NTNG2: variants seen among roughly 807,000 people sequenced by gnomAD.
The protein encoded by NTNG2 is netrin G2.
NTNG2 carries 15 observed loss-of-function variants against 47.6 expected under a neutral mutation model. The observed-to-expected ratio is 0.32, with a 90% CI of 0.21 to 0.49. The LOEUF is 0.49. Ranked by LOEUF, NTNG2 falls within the 20% of genes least tolerant of loss-of-function variation. NTNG2 has a pLI of 0.99. For synonymous variants in NTNG2, 307 were observed against 324.6 expected, an observed-to-expected ratio of 0.95 and a Z score of 0.58; for missense variants, 578 against 764.6, an observed-to-expected ratio of 0.76 and a Z score of 2.88.
Position 132,238,980 on chromosome 9 carries a change from T to A in NTNG2, c.1055-124T>A, listed in dbSNP as rs544999375. ...GTGGGAGGCCTAGGGCACCTTCCGGTACCTTTTCCAAAGATGCCTTCCTCC... is the reference window on the plus strand; with the variant it reads ...GTGGGAGGCCTAGGGCACCTTCCGGAACCTTTTCCAAAGATGCCTTCCTCC... On this transcript the variant is annotated intron_variant, in intron 5 of 7. Transcript: ENST00000393229. The A allele has an allele frequency of 3.5e-3, 3,483 of 1,001,742 alleles. 8 individuals are homozygous for A. The highest frequency in any genetic ancestry group is 4.4e-3 in the Non-Finnish European group (2,786 of 640,266). The allele number at this position is 1,001,742 out of a possible 1,614,324, so 62.1% of individuals were successfully genotyped here.
chr9:132,203,313 C>T (rs1838923375), intron 3 of NTNG2, among the ~76,000 whole-genome samples: 1 of 151,908 alleles, frequency 6.6e-6, no homozygotes, highest in Admixed American at 6.6e-5. Context: ...GCACTCCAGC[C>T]TGGGTGACAG....
chr9:132,217,663 C>T (rs1406028753), intron 3 of NTNG2, among the ~76,000 whole-genome samples: 4 of 152,310 alleles, frequency 2.6e-5, no homozygotes, highest in African/African-American at 9.6e-5. Flanking sequence ...ATGTCCTAGG[C>T]ACCTGTTTGT....
chr9:132,164,882 C>T (rs1292321754), intron 1 of NTNG2, among the ~76,000 whole-genome samples: 1 of 152,204 alleles, frequency 6.6e-6, no homozygotes, highest in Admixed American at 6.5e-5. Context: ...GCCTGAGGTG[C>T]TCAGGGCGCT....
intron 7 of NTNG2, 102 bp from the exon 8 acceptor site, chr9:132,241,774 A>T: frequency 1.2e-6 from 1 of 852,120 alleles, no homozygotes; most frequent in Non-Finnish European, 1.7e-6. Flanking sequence ...TCCCCGGCCC[A>T]GACGGCGCCC....
At chr9:132,205,902 G>GTGATAAATA (rs1839135630) in intron 3 of NTNG2, among the ~76,000 whole-genome samples, 1 of 152,058 alleles carries the variant, frequency 6.6e-6, no homozygotes, top group Non-Finnish European at 1.5e-5. Context: ...ACATGGTAAG[G>GTGATAAATA]TGATAAATAT....
intron 4 of NTNG2, among the ~76,000 whole-genome samples, chr9:132,229,239 C>A (rs1465634301): frequency 6.6e-6 from 1 of 152,136 alleles, no homozygotes; most frequent in Non-Finnish European, 1.5e-5. Context: ...CAGCAGGAAA[C>A]AGCCCAAAGA....
chr9:132,203,968 G>C (rs1838976916), intron 3 of NTNG2, among the ~76,000 whole-genome samples: 1 of 152,212 alleles, frequency 6.6e-6, no homozygotes, highest in African/African-American at 2.4e-5. Context: ...GGTGTTTGTG[G>C]GAGATGATGA....
At chr9:132,198,725 G>C (rs1426171847) in intron 3 of NTNG2, 116 bp downstream of exon 3, 7 of 1,118,398 alleles carry the variant, frequency 6.3e-6, no homozygotes, top group Non-Finnish European at 7.6e-6. Context: ...CGGGTTCTTG[G>C]GATGTTACCT....
At chr9:132,168,527 C>T (rs1216321191) in intron 2 of NTNG2, among the ~76,000 whole-genome samples, 1 of 152,136 alleles carries the variant, frequency 6.6e-6, no homozygotes, top group African/African-American at 2.4e-5. Flanking sequence ...TGGGTGGTGG[C>T]TGGGCCAGGG....
chr9:132,241,800 C>A (rs1255862469), intron 7 of NTNG2, 76 bp from the exon 8 acceptor site: 13 of 1,172,854 alleles, frequency 1.1e-5, no homozygotes, highest in African/African-American at 1.6e-5. Context: ...ATCTCGCACA[C>A]CCTGCTTCGC....
intron 5 of NTNG2, among the ~76,000 whole-genome samples, chr9:132,234,042 T>C (rs1292973467): frequency 6.6e-6 from 1 of 151,164 alleles, no homozygotes; most frequent in African/African-American, 2.4e-5. Context: ...TTTTTTTTTT[T>C]TTGAGATGGA....
In NTNG2 at chr9:132,167,534, T is replaced by A. The variant is rs149159019; in HGVS notation, c.213+490T>A. Reference sequence around the variant, plus strand: ...GCATGCCAAGCACTGAGCTGGCCCTTTGCATGGGGAGGTTTGACGGAGGCT... The same window carrying A: ...GCATGCCAAGCACTGAGCTGGCCCTATGCATGGGGAGGTTTGACGGAGGCT... On this transcript the variant is annotated intron_variant, in intron 2 of 7. Coordinates refer to ENST00000393229, the MANE Select transcript of NTNG2 (RefSeq NM_032536.4). 2.2e-3 allele frequency among the ~76,000 whole-genome samples: 335 copies of A among 152,292 alleles called. 3 individuals carry two copies. The highest frequency in any genetic ancestry group is 7.7e-3 in the African/African-American group (318 of 41,558).
chr9:132,198,068 T>A lies in NTNG2; in HGVS notation c.316T>A (p.Tyr106Asn). The change falls in exon 3 of 8, where the codon TAC (tyrosine) becomes AAC (asparagine). Residue 106 changes from tyrosine to asparagine, a missense_variant. Transcript: ENST00000393229. ...FDKEEEGLAT[Y>N]WQSITWSRYP... is the part of the protein sequence containing the mutation. Reference sequence around the variant, plus strand: ...CAAGGAGGAGGAGGGCCTGGCCACCTACTGGCAGAGCATCACCTGGAGCCG... The same window carrying A: ...CAAGGAGGAGGAGGGCCTGGCCACCAACTGGCAGAGCATCACCTGGAGCCG... 2 of 1,613,700 alleles carry A rather than the reference T, an allele frequency of 1.2e-6. No homozygotes were observed. Among genetic ancestry groups the A allele is most frequent in the Non-Finnish European group, 1.7e-6 (2 of 1,179,974 alleles).
rs748877108 is a variant in NTNG2, at chr9:132,198,583, C to T, written c.831C>T (p.Ala277=). 3 of 1,609,194 alleles carry T rather than the reference C, an allele frequency of 1.9e-6. No homozygotes were observed. The highest frequency in any genetic ancestry group is 2.2e-5 in the South Asian group (2 of 90,990). ...AGAACCTCTACAAGTACTTCTACGC[C>T]ATCTCCAACATCGAGGTCATCGGCA... is the stretch of plus-strand genomic sequence containing the variant. ...QRENLYKYFY[A]ISNIEVIGRC... The change falls in exon 3 of 8, where the codon GCC becomes GCT. Residue 277 remains alanine, a synonymous_variant. Coordinates refer to ENST00000393229, the MANE Select transcript of NTNG2 (RefSeq NM_032536.4).
chr9:132,181,934 G>A (rs759628452), intron 2 of NTNG2, among the ~76,000 whole-genome samples: 23 of 152,306 alleles, frequency 1.5e-4, no homozygotes, highest in Admixed American at 3.3e-4. Flanking sequence ...CTCAGAAAGC[G>A]CCTGATAGAC....
At position 132,198,273 on chromosome 9, in the gene NTNG2, C is replaced by A; in HGVS notation, c.521C>A (p.Ala174Asp). The change falls in exon 3 of 8, where the codon GCC (alanine) becomes GAC (aspartate). Residue 174 changes from alanine (A) to aspartate (D), a missense_variant. Transcript: ENST00000393229. ...TTCTACGCCGAGGACTGCATGGAGG[C>A]CTTCGGTATGTCCGCCCGCCGGGCC... is the stretch of plus-strand genomic sequence containing the variant. ...YQFYAEDCME[A>D]FGMSARRARD... 1.9e-6 allele frequency: 3 copies of A among 1,612,438 alleles called. No individual in the cohort carries two copies. In the South Asian group the frequency reaches 3.3e-5, roughly 18 times the overall value.
rs1375708451 is a variant in NTNG2, at chr9:132,197,016, A to T, written c.214-950A>T. Among the ~76,000 whole-genome samples, 1 of 152,236 alleles carries T rather than the reference A, an allele frequency of 6.6e-6. No homozygotes were observed. Among genetic ancestry groups the T allele is most frequent in the Non-Finnish European group, 1.5e-5 (1 of 68,042 alleles). ...GCCAGATAGAAGAGACTCACAGAGTAAGGGATCGGGGAGAGACCCAGAGCT... is the reference window on the plus strand; with the variant it reads ...GCCAGATAGAAGAGACTCACAGAGTTAGGGATCGGGGAGAGACCCAGAGCT... On this transcript the variant is annotated intron_variant, in intron 2 of 7. Coordinates refer to ENST00000393229, the MANE Select transcript of NTNG2 (RefSeq NM_032536.4). This position sits in a 1 kb window ranked among gnomAD's most constrained non-coding sequence, Gnocchi z 4.3.
intron 2 of NTNG2, among the ~76,000 whole-genome samples, chr9:132,190,649 A>G (rs1837811517): frequency 2.0e-5 from 3 of 152,210 alleles, no homozygotes; most frequent in Admixed American, 2.0e-4. Flanking sequence ...CAGCTTGCCT[A>G]TGATGTTTAC....
chr9:132,167,734 A>G (rs560328374), intron 2 of NTNG2, among the ~76,000 whole-genome samples: 42 of 152,266 alleles, frequency 2.8e-4, no homozygotes, highest in African/African-American at 8.2e-4. Flanking sequence ...GAGGGGTCCT[A>G]GGGGCACGGA....
Sources: gnomAD v4.1 joint callset for allele counts (sites outside exome capture counted in the v4.1 genomes callset) on GRCh38, gnomAD v4.1.1 for gene constraint, Gnocchi (gnomAD v3.1) non-coding constraint, MANE v1.5 for transcripts, NCBI Gene and HGNC (gene_info 2026-07-23, HGNC 2026-07-21) for gene names.